The following CNTN3 variants were observed in gnomAD, a reference collection of about 807,000 sequenced individuals.
CNTN3 encodes the protein contactin 3.
A neutral mutation model predicts 119.1 loss-of-function variants in CNTN3; 60 were observed. The observed-to-expected ratio is 0.50, with a 90% CI of 0.41 to 0.62. The LOEUF (loss-of-function observed/expected upper bound fraction) is 0.62, where lower values mean the gene tolerates loss of function less well. CNTN3 is among the 20% of genes least tolerant of loss of function. The pLI is 0.00. For missense variants in CNTN3, 1,101 were observed against 1,242.4 expected, an observed-to-expected ratio of 0.89 and a Z score of 1.71; for synonymous variants, 450 against 438.7, an observed-to-expected ratio of 1.03 and a Z score of -0.32.
intron 1 of CNTN3, among the ~76,000 whole-genome samples, chr3:74,551,590 C>T (rs1248752514): frequency 6.6e-6 from 1 of 151,996 alleles, no homozygotes; most frequent in East Asian, 1.9e-4. Flanking sequence ...AATCGTTTCA[C>T]TGCCCTAAAA....
chr3:74,325,659 C>T (rs529044486), intron 13 of CNTN3, among the ~76,000 whole-genome samples: 255 of 152,122 alleles, frequency 1.7e-3, no homozygotes, highest in Non-Finnish European at 3.1e-3. Flanking sequence ...TAGTAATGAC[C>T]CAAAAGAGCT....
At chr3:74,451,730 T>C (rs1326652071) in intron 4 of CNTN3, among the ~76,000 whole-genome samples, 2 of 151,012 alleles carry the variant, frequency 1.3e-5, no homozygotes, top group East Asian at 3.9e-4. Flanking sequence ...GCTTTCTACA[T>C]ATGGCTAGCC....
chr3:74,398,484 A>G (rs1705111152), intron 5 of CNTN3, among the ~76,000 whole-genome samples: 1 of 152,234 alleles, frequency 6.6e-6, no homozygotes, highest in African/African-American at 2.4e-5. Context: ...TTAATAAGCA[A>G]ACACAGCTTT....
intron 4 of CNTN3, among the ~76,000 whole-genome samples, chr3:74,453,685 G>C (rs533023157): frequency 5.7e-4 from 86 of 150,072 alleles, no homozygotes; most frequent in African/African-American, 2.0e-3. Flanking sequence ...ACACTGCTTT[G>C]AATGTGTCCC....
chr3:74,263,698 T>G lies in CNTN3; in HGVS notation c.*703A>C, dbSNP rs1701618025. ...ATTGCATTTGGGGTGACAAAAGCAC[T>G]TTCATACTTCAGTCTTTATCTTTTA... On this transcript the variant is annotated 3_prime_UTR_variant, in exon 23 of 23. Transcript: ENST00000263665. 2.0e-5 allele frequency: 3 copies of G among 152,100 alleles called. No homozygotes were observed. In the South Asian group the frequency reaches 6.2e-4, roughly 31 times the overall value. 9.4% of individuals were successfully genotyped at this position (152,100 alleles called of 1,614,324 possible).
At chr3:74,458,848 C>T (rs1453771457) in intron 4 of CNTN3, among the ~76,000 whole-genome samples, 1 of 151,950 alleles carries the variant, frequency 6.6e-6, no homozygotes, top group Non-Finnish European at 1.5e-5. Context: ...AAAACAAAAA[C>T]AAAAACTGGT....
At chr3:74,551,754 CTTTTTT>C (rs776621925) in intron 1 of CNTN3, among the ~76,000 whole-genome samples, 3 of 60,178 alleles carry the variant, frequency 5.0e-5, no homozygotes, top group Non-Finnish European at 8.3e-5. Flanking sequence ...TCTTCTTCTT[CTTTTTT>C]TTTTTTTTTT....
chr3:74,587,964 G>A lies in CNTN3; in HGVS notation c.-81+26427C>T, dbSNP rs534949156. On this transcript the variant is annotated intron_variant, in intron 1 of 22. Transcript: ENST00000263665. ...GATAGCTCTTATTATTTTGAGATAC[G>A]TCCCATCAATACCTAATTTATTGAG... Among the ~76,000 whole-genome samples, 393 of 152,170 alleles carry A rather than the reference G, an allele frequency of 2.6e-3. 2 individuals are homozygous for A. Among genetic ancestry groups the A allele is most frequent in the Non-Finnish European group, 3.5e-3 (240 of 68,002 alleles).
chr3:74,391,554 T>C (rs959361191), intron 5 of CNTN3, among the ~76,000 whole-genome samples: 2 of 117,972 alleles, frequency 1.7e-5, no homozygotes, highest in African/African-American at 6.5e-5. Context: ...ACTCCCATAG[T>C]TTCTTTTTTT....
chr3:74,419,943 C>T lies in CNTN3; in HGVS notation c.454+4902G>A, dbSNP rs538644937. Among the ~76,000 whole-genome samples the T allele has an allele frequency of 7.0e-4, 107 of 152,256 alleles. 1 individual carries two copies. In the South Asian group the frequency reaches 0.017, roughly 24 times the overall value. ...ATCAGCAAGTGAATGGTAATTAACA[C>T]GAACTCCCAGCTTTTCACATGACTG... On this transcript the variant is annotated intron_variant, in intron 5 of 22. Coordinates refer to ENST00000263665, the MANE Select transcript of CNTN3 (RefSeq NM_020872.3).
chr3:74,609,843 A>G (rs529697736), intron 1 of CNTN3, among the ~76,000 whole-genome samples: 245 of 152,310 alleles, frequency 1.6e-3, no homozygotes, highest in Non-Finnish European at 2.5e-3. Flanking sequence ...CTTACAAGGT[A>G]CTTACAGAAT....
rs145913650 is a variant in CNTN3 at position 74,324,589 on chromosome 3, C to A, written c.1668+10146G>T. 2.7e-4 allele frequency among the ~76,000 whole-genome samples: 41 copies of A among 152,256 alleles called. No individual in the cohort carries two copies. In the East Asian group the frequency reaches 7.9e-3, roughly 29 times the overall value. On this transcript the variant is annotated intron_variant, in intron 13 of 22. Transcript: ENST00000263665. ...TCTGCCAGAAGTTTTCTTTAAATAT[C>A]TGTATTTCTTTCAAAGTTTTTCTCC...
intron 1 of CNTN3, among the ~76,000 whole-genome samples, chr3:74,592,461 A>G: frequency 6.7e-6 from 1 of 149,102 alleles, no homozygotes; most frequent in Non-Finnish European, 1.5e-5. Context: ...TGGCAAAAAG[A>G]AAAACAGAAT....
At chr3:74,516,600 T>C (rs752726786) in intron 2 of CNTN3, among the ~76,000 whole-genome samples, 1 of 150,664 alleles carries the variant, frequency 6.6e-6, no homozygotes, top group Non-Finnish European at 1.5e-5. Flanking sequence ...AGTTAAGTTT[T>C]GGGGGAGTTA....
chr3:74,447,984 G>A (rs1018568984), intron 4 of CNTN3, among the ~76,000 whole-genome samples: 27 of 152,130 alleles, frequency 1.8e-4, no homozygotes, highest in Admixed American at 3.3e-4. Flanking sequence ...CATGTAGACC[G>A]TTGCCTGATG....
chr3:74,482,000 A>G (rs2107029989), intron 4 of CNTN3, among the ~76,000 whole-genome samples: 1 of 152,046 alleles, frequency 6.6e-6, no homozygotes, highest in East Asian at 1.9e-4. Context: ...ATAATACTCA[A>G]TACATTCAAT....
At chr3:74,451,805 G>A (rs1702161342) in intron 4 of CNTN3, among the ~76,000 whole-genome samples, 1 of 150,790 alleles carries the variant, frequency 6.6e-6, no homozygotes, top group African/African-American at 2.5e-5. Context: ...TCTCAGATTT[G>A]TCAAAGATCA....
intron 13 of CNTN3, among the ~76,000 whole-genome samples, chr3:74,314,457 C>T (rs975534669): frequency 6.6e-6 from 1 of 152,122 alleles, no homozygotes; most frequent in African/African-American, 2.4e-5. Context: ...AAAGGGATAG[C>T]GAAATATATA....
chr3:74,506,449 G>T (rs1453716579), intron 2 of CNTN3, among the ~76,000 whole-genome samples: 2 of 152,082 alleles, frequency 1.3e-5, no homozygotes, highest in Non-Finnish European at 1.5e-5. Context: ...AGAAAAACAG[G>T]GTGGGAGGAG....
Sources: allele counts gnomAD v4.1 joint callset (sites outside exome capture counted in the v4.1 genomes callset), GRCh38; gene constraint gnomAD v4.1.1; transcripts MANE v1.5; gene names NCBI Gene and HGNC (gene_info 2026-07-23, HGNC 2026-07-21).